Variants in TFAP2B observed in about 807,000 individuals in gnomAD.
TFAP2B encodes the protein transcription factor AP-2-beta.
A neutral mutation model predicts 44.3 loss-of-function variants in TFAP2B; 9 were observed. That is an observed-to-expected ratio of 0.20 (90% CI 0.12 to 0.35). The LOEUF (loss-of-function observed/expected upper bound fraction) is 0.35. TFAP2B is among the 10% of genes least tolerant of loss of function. The pLI is 1.00. For missense variants in TFAP2B, 509 were observed against 600.0 expected (o/e 0.85, Z 1.59); for synonymous variants, 270 against 263.8 (o/e 1.02, Z -0.23).
chr6:50,838,331 G>C (rs939648783), intron 5 of TFAP2B, among the ~76,000 whole-genome samples: 4 of 152,136 alleles, frequency 2.6e-5, no homozygotes, highest in Admixed American at 2.0e-4. Flanking sequence ...AAGTGCTCAG[G>C]TCCAGCCTCC....
At position 50,843,535 on chromosome 6, in the gene TFAP2B, A is replaced by G. The variant is rs1204791936; in HGVS notation, c.*143A>G. On this transcript the variant is annotated 3_prime_UTR_variant, in exon 7 of 7. Transcript: ENST00000393655. ...CACATACAATCAAAATTTTAAAAAAAAAAGCTAAATAACTTAAAAAAAAAC... is the reference window on the plus strand; with the variant it reads ...CACATACAATCAAAATTTTAAAAAAGAAAGCTAAATAACTTAAAAAAAAAC... 2.2e-6 allele frequency: 2 copies of G among 919,606 alleles called. No individual in the cohort carries two copies. Among genetic ancestry groups the G allele is most frequent in the African/African-American group, 1.7e-5 (1 of 59,314 alleles). The allele number at this position is 919,606 out of a possible 1,614,324, so 57.0% of individuals were successfully genotyped here. A position where few individuals can be genotyped will look rare whatever the true frequency, so the allele number is the denominator to read the frequency against.
At chr6:50,824,017 T>C in intron 2 of TFAP2B, 152 bp downstream of exon 2, 1 of 873,230 alleles carries the variant, frequency 1.1e-6, no homozygotes, top group South Asian at 1.5e-5. Flanking sequence ...TAGAACTGTT[T>C]ATGTGTGTCT....
At position 50,836,079 on chromosome 6, in the gene TFAP2B, C is replaced by T. The variant is rs548367245; in HGVS notation, c.620C>T (p.Ser207Leu). Residue 207 changes from serine to leucine, a missense_variant, in exon 4 of 7, where the codon TCG becomes TTG. By Grantham distance (145) the Ser-to-Leu change is moderately radical. Transcript: ENST00000393655. The part of the protein sequence containing the change: ...VIKKVPVPPK[S>L]VTSLMMNKDG... ...TTTCTAGTTCCAGTTCCTCCCAAAT[C>T]GGTGACTTCTCTAATGATGAATAAA... 7 of 1,614,106 alleles carry T rather than the reference C, an allele frequency of 4.3e-6. No individual in the cohort carries two copies. The highest frequency in any genetic ancestry group is 5.9e-6 in the Non-Finnish European group (7 of 1,180,006).
At position 50,843,940 on chromosome 6, in the gene TFAP2B, G is replaced by A. The variant is rs1264391055; in HGVS notation, c.*548G>A. 2 of 155,992 alleles carry A rather than the reference G, an allele frequency of 1.3e-5. No homozygotes were observed. The highest frequency in any genetic ancestry group is 4.8e-5 in the African/African-American group (2 of 41,448). 9.7% of individuals were successfully genotyped at this position (155,992 alleles called of 1,614,324 possible). ...CCTCACATTGTTACGGGAATCTTCT[G>A]GGATGAAAATGAGTGTGGTTGGCCC... On this transcript the variant is annotated 3_prime_UTR_variant, in exon 7 of 7. Coordinates refer to ENST00000393655, the MANE Select transcript of TFAP2B (RefSeq NM_003221.4).
At chr6:50,838,536 A>G (rs1449039389) in intron 5 of TFAP2B, among the ~76,000 whole-genome samples, 1 of 152,176 alleles carries the variant, frequency 6.6e-6, no homozygotes, top group African/African-American at 2.4e-5. Context: ...CCTAGGGCCA[A>G]ATCTGCAGAT....
rs934701664 is a variant in TFAP2B at position 50,845,561 on chromosome 6, C to G, written c.*2169C>G. 2.0e-5 allele frequency: 3 copies of G among 152,704 alleles called. No homozygotes were observed. The highest frequency in any genetic ancestry group is 7.2e-5 in the African/African-American group (3 of 41,464). 9.5% of individuals were successfully genotyped at this position (152,704 alleles called of 1,614,324 possible). Reference sequence around the variant, plus strand: ...TGCAATGGCCAAGAGCTAGACGTTACGGAGAGTGTAGTCACTCTCTTTTCC... The same window carrying G: ...TGCAATGGCCAAGAGCTAGACGTTAGGGAGAGTGTAGTCACTCTCTTTTCC... On this transcript the variant is annotated 3_prime_UTR_variant, in exon 7 of 7. Transcript: ENST00000393655.
At position 50,843,230 on chromosome 6, in the gene TFAP2B, C is replaced by T. The variant is rs766406961; in HGVS notation, c.1221C>T (p.Ala407=). Reference sequence around the variant, plus strand: ...GCCTCATCACGCACGGCTTCGGCGCCCCGGCCATTTGCGCCGCGCTCACGG... The same window carrying T: ...GCCTCATCACGCACGGCTTCGGCGCTCCGGCCATTTGCGCCGCGCTCACGG... The part of the protein sequence containing the change: ...HFSLITHGFG[A]PAICAALTAL... The change falls in exon 7 of 7, where the codon GCC becomes GCT. Residue 407 remains alanine, a synonymous_variant. Transcript: ENST00000393655. The T allele has an allele frequency of 4.3e-6, 7 of 1,614,226 alleles. No individual in the cohort carries two copies. The highest frequency in any genetic ancestry group is 5.9e-6 in the Non-Finnish European group (7 of 1,180,042).
At position 50,823,606 on chromosome 6, in the gene TFAP2B, C is replaced by T. The variant is rs1371726949; in HGVS notation, c.281C>T (p.Ser94Phe). 1 of 1,614,148 alleles carries T rather than the reference C, an allele frequency of 6.2e-7. No homozygotes were observed. Among genetic ancestry groups the T allele is most frequent in the Non-Finnish European group, 8.5e-7 (1 of 1,180,012 alleles). Reference protein sequence around the residue: ...DPYSHVNDPYSLNPLHQPQQH... With the variant: ...DPYSHVNDPYFLNPLHQPQQH... ...TACTCCCACGTCAACGACCCCTACTCCCTGAACCCACTGCACCAGCCCCAG... is the reference window on the plus strand; with the variant it reads ...TACTCCCACGTCAACGACCCCTACTTCCTGAACCCACTGCACCAGCCCCAG... Residue 94 changes from serine to phenylalanine, a missense_variant, in exon 2 of 7, where the codon TCC (serine) becomes TTC (phenylalanine). By Grantham distance (155) the Ser-to-Phe change is radical (BLOSUM62 -2). Around this residue, in one of 3 missense-constraint regions of TFAP2B, gnomAD observed 296 missense variants for 308.2 expected, o/e 0.96. Transcript: ENST00000393655.
At chr6:50,836,336 A>G in intron 4 of TFAP2B, 56 bp downstream of exon 4, 1 of 1,454,948 alleles carries the variant, frequency 6.9e-7, no homozygotes. Flanking sequence ...AAAACCCACC[A>G]GTTTTTATTT....
rs148498816 is a variant in TFAP2B at position 50,845,373 on chromosome 6, T to A, written c.*1981T>A. 5.0e-3 allele frequency: 761 copies of A among 152,226 alleles called. 4 individuals are homozygous for A. The highest frequency in any genetic ancestry group is 7.5e-3 in the Non-Finnish European group (509 of 68,028). 9.4% of individuals were successfully genotyped at this position (152,226 alleles called of 1,614,324 possible). ...GGTTTTAGGAATCTGCTGAGAGCTT[T>A]GCCCATTTTTATTAAAAGAGGAAAG... On this transcript the variant is annotated 3_prime_UTR_variant, in exon 7 of 7. Coordinates refer to ENST00000393655, the MANE Select transcript of TFAP2B (RefSeq NM_003221.4).
At chr6:50,821,573 C>T (rs1384749051) in intron 1 of TFAP2B, among the ~76,000 whole-genome samples, 1 of 152,126 alleles carries the variant, frequency 6.6e-6, no homozygotes, top group African/African-American at 2.4e-5. Context: ...GTGTCCCCGG[C>T]ACAGTTAATT....
intron 5 of TFAP2B, among the ~76,000 whole-genome samples, chr6:50,839,457 C>T (rs562868708): frequency 6.6e-6 from 1 of 152,250 alleles, no homozygotes; most frequent in South Asian, 2.1e-4. Flanking sequence ...GGTAATAATG[C>T]TTTACTTGAA....
intron 2 of TFAP2B, among the ~76,000 whole-genome samples, chr6:50,826,584 C>T (rs1770513933): frequency 2.1e-5 from 3 of 145,772 alleles, no homozygotes; most frequent in African/African-American, 5.2e-5. Flanking sequence ...CGCGCGCGCG[C>T]GCGTGTGTGT....
At chr6:50,823,291 CA>C in intron 1 of TFAP2B, 115 bp from the exon 2 acceptor site, 1 of 929,328 alleles carries the variant, frequency 1.1e-6, no homozygotes, top group Non-Finnish European at 1.7e-6. Flanking sequence ...CGGGCTTCTC[CA>C]TTTGTCACTT....
chr6:50,822,116 C>T (rs770996235), intron 1 of TFAP2B: 2 of 1,302,954 alleles, frequency 1.5e-6, no homozygotes, highest in South Asian at 1.2e-5. Context: ...TGAGCAGTAA[C>T]CAGGCTTTTT....
At chr6:50,838,750 TTATGG>T (rs1211075409) in intron 5 of TFAP2B, among the ~76,000 whole-genome samples, 1 of 152,156 alleles carries the variant, frequency 6.6e-6, no homozygotes, top group African/African-American at 2.4e-5. Flanking sequence ...GGGATGATAT[TTATGG>T]TATGTAATAA....
intron 4 of TFAP2B, among the ~76,000 whole-genome samples, chr6:50,836,808 A>G (rs2817399): frequency 0.42 from 63,806 of 152,032 alleles, 13,565 homozygotes; most frequent in East Asian, 0.5. Flanking sequence ...ACCCAGTTTG[A>G]TAAACTCTTT....
At chr6:50,839,373 C>A (rs1288838703) in intron 5 of TFAP2B, among the ~76,000 whole-genome samples, 1 of 152,148 alleles carries the variant, frequency 6.6e-6, no homozygotes, top group East Asian at 1.9e-4. Context: ...AATAATGTAG[C>A]TATGGGGTAT....
At chr6:50,818,443 T>G (rs1298064426), upstream of TFAP2B, among the ~76,000 whole-genome samples, 1 of 152,134 alleles carries the variant, frequency 6.6e-6, no homozygotes, top group Non-Finnish European at 1.5e-5. Flanking sequence ...ACATAGAAAA[T>G]AGGGGACTGA....
Sources: allele counts gnomAD v4.1 joint callset (sites outside exome capture counted in the v4.1 genomes callset), GRCh38; gene constraint gnomAD v4.1.1; regional missense constraint gnomAD v4.1.1; transcripts MANE v1.5; gene names NCBI Gene and HGNC (gene_info 2026-07-23, HGNC 2026-07-21).